Variants in SYNCRIP observed in about 807,000 individuals in gnomAD.
SYNCRIP encodes the protein synaptotagmin binding cytoplasmic RNA interacting protein.
SYNCRIP carries 9 observed loss-of-function variants against 68.9 expected under a neutral mutation model. The ratio of observed to expected loss-of-function variants is 0.13; its 90% CI spans 0.08 to 0.23. The LOEUF is 0.23. SYNCRIP is among the 10% of genes least tolerant of loss of function. SYNCRIP has a pLI of 1.00. For synonymous variants in SYNCRIP, 258 were observed against 254.0 expected (o/e 1.02, Z -0.15); for missense variants, 414 against 770.6 (o/e 0.54, Z 5.48).
At position 85,614,798 on chromosome 6, in the gene SYNCRIP, G is replaced by T. The variant is rs764223196; in HGVS notation, c.1830C>A (p.Asn610Lys). 5 of 1,610,978 alleles carry T rather than the reference G, an allele frequency of 3.1e-6. No individual in the cohort carries two copies. The highest frequency in any genetic ancestry group is 1.7e-6 in the Non-Finnish European group (2 of 1,179,096). ...CAAAAGTATCCTGATAAAACTCCTG[G>T]TTTTCAGATTTGTAACCATAGTTAC... is the stretch of plus-strand genomic sequence containing the variant. ...HSGNYGYKSE[N>K]QEFYQDTFGQ... The change falls in exon 11 of 11, where the codon AAC becomes AAA. Residue 610 changes from asparagine (N) to lysine (K), a missense_variant. Asn to Lys is a moderately conservative substitution (Grantham distance 94, BLOSUM62 0). Transcript: ENST00000369622.
At position 85,629,755 on chromosome 6, in the gene SYNCRIP, G is replaced by A. The variant is rs181817501; in HGVS notation, c.667-5643C>T. ...AAGAATCGCTTGAACCTGGGAGGCG[G>A]AGGCTGCAGTGAGCCGAGATCATGC... On this transcript the variant is annotated intron_variant, in intron 6 of 10. Coordinates refer to ENST00000369622, the MANE Select transcript of SYNCRIP (RefSeq NM_006372.5). Among the ~76,000 whole-genome samples the A allele has an allele frequency of 2.8e-3, 421 of 152,160 alleles. 1 individual carries two copies. The highest frequency in any genetic ancestry group is 4.5e-3 in the Non-Finnish European group (305 of 68,006).
intron 7 of SYNCRIP, among the ~76,000 whole-genome samples, chr6:85,623,338 C>T (rs1435185298): frequency 1.3e-5 from 2 of 151,864 alleles, no homozygotes; most frequent in East Asian, 1.9e-4. Flanking sequence ...CCGAGGCAAG[C>T]AGATCACTTG....
intron 6 of SYNCRIP, among the ~76,000 whole-genome samples, chr6:85,624,795 A>G (rs1026317633): frequency 3.3e-5 from 5 of 152,238 alleles, no homozygotes; most frequent in Non-Finnish European, 7.3e-5. Flanking sequence ...AAATCCACCA[A>G]TTAGTATTAT....
intron 6 of SYNCRIP, among the ~76,000 whole-genome samples, chr6:85,632,363 ACTT>A (rs1807897739): frequency 6.6e-6 from 1 of 152,222 alleles, no homozygotes; most frequent in Admixed American, 6.5e-5. Flanking sequence ...CTAGAATGAC[ACTT>A]CAATTAAAAA....
chr6:85,610,672 A>T (rs1055341920), downstream of SYNCRIP: 3 of 152,054 alleles, frequency 2.0e-5, no homozygotes, highest in East Asian at 3.8e-4. Context: ...CTATGACAGT[A>T]AAGTGCCAAT....
chr6:85,634,554 G>A (rs929144010), intron 6 of SYNCRIP, among the ~76,000 whole-genome samples: 4 of 151,472 alleles, frequency 2.6e-5, no homozygotes, highest in South Asian at 2.1e-4. Flanking sequence ...CATAACCTAC[G>A]AACATTCTCT....
intron 6 of SYNCRIP, among the ~76,000 whole-genome samples, chr6:85,635,721 G>GAT: frequency 7.8e-6 from 1 of 128,918 alleles, no homozygotes; most frequent in East Asian, 2.5e-4. Flanking sequence ...AGTGAGCCAA[G>GAT]ATCGCACCAT....
rs144426046 is a variant in SYNCRIP, at chr6:85,633,528, T to C, written c.666+3439A>G. On this transcript the variant is annotated intron_variant, in intron 6 of 10. Transcript: ENST00000369622. The stretch of plus-strand genomic sequence containing the variant: ...ATCACTTGAACCCAGAAGGCAGAGG[T>C]TGCAGTGAGTTGAGATCACACCACT... Among the ~76,000 whole-genome samples, 58 of 151,674 alleles carry C rather than the reference T, an allele frequency of 3.8e-4. 2 individuals are homozygous for C. In the East Asian group the frequency reaches 0.011, roughly 29 times the overall value.
At chr6:85,609,470 T>C (rs952480868), downstream of SYNCRIP, 8 of 151,956 alleles carry the variant, frequency 5.3e-5, no homozygotes, top group African/African-American at 1.7e-4. Context: ...GAGGAAACTT[T>C]ACATTTTAAG....
At chr6:85,628,349 C>T (rs1235845773) in intron 6 of SYNCRIP, among the ~76,000 whole-genome samples, 1 of 152,218 alleles carries the variant, frequency 6.6e-6, no homozygotes, top group African/African-American at 2.4e-5. Context: ...ATCCACCGCA[C>T]CTGGCCTAAA....
At position 85,619,215 on chromosome 6, in the gene SYNCRIP, A is replaced by C; in HGVS notation, c.1158+53T>G. ...TTGTAAAACTATTTTGAGATTCTAAAATGACTAAATTTGTTAGTCTGATTT... is the reference window on the plus strand; with the variant it reads ...TTGTAAAACTATTTTGAGATTCTAACATGACTAAATTTGTTAGTCTGATTT... On this transcript the variant is annotated intron_variant, in intron 9 of 10. Transcript: ENST00000369622. The C allele has an allele frequency of 1.9e-6, 3 of 1,592,258 alleles. No individual in the cohort carries two copies. In the South Asian group the frequency reaches 3.4e-5, roughly 18 times the overall value.
At position 85,614,758 on chromosome 6, in the gene SYNCRIP, A is replaced by AC; in HGVS notation, c.1869dup (p.Ter624ValfsTer8). ...ATTTTACAGAGGCCCTACTGTTTCT[A>AC]CTTCCACTGTTGCCCAAAAGTATCC... On this transcript the variant is annotated frameshift_variant, in exon 11 of 11. Transcript: ENST00000369622. LOFTEE classifies it high-confidence loss of function. 1 of 1,586,282 alleles carries AC rather than the reference A, an allele frequency of 6.3e-7. No homozygotes were observed. Among genetic ancestry groups the AC allele is most frequent in the Non-Finnish European group, 8.6e-7 (1 of 1,167,728 alleles).
chr6:85,618,632 A>G (rs1185818579), intron 10 of SYNCRIP, among the ~76,000 whole-genome samples, 186 bp downstream of exon 10: 1 of 152,190 alleles, frequency 6.6e-6, no homozygotes, highest in East Asian at 1.9e-4. Flanking sequence ...ATTTTCACAA[A>G]TATGGTTCAT....
chr6:85,614,977 G>A lies in SYNCRIP; in HGVS notation c.1651C>T (p.Arg551Cys), dbSNP rs752343801. The A allele has an allele frequency of 6.8e-6, 11 of 1,613,326 alleles. No homozygotes were observed. Among genetic ancestry groups the A allele is most frequent in the South Asian group, 1.1e-5 (1 of 91,020 alleles). The change falls in exon 11 of 11, where the codon CGT becomes TGT. Residue 551 changes from arginine (R) to cysteine (C), a missense_variant. Arg to Cys is a radical substitution (Grantham distance 180). Transcript: ENST00000369622. ...GAQQQRGRGV[R>C]GARGGRGGNV... Reference sequence around the variant, plus strand: ...CCACCGCGGCCACCCCTCGCACCACGTACCCCGCGGCCTCTTTGTTGTTGG... The same window carrying A: ...CCACCGCGGCCACCCCTCGCACCACATACCCCGCGGCCTCTTTGTTGTTGG...
At chr6:85,624,871 C>A (rs1389669749) in intron 6 of SYNCRIP, among the ~76,000 whole-genome samples, 3 of 152,200 alleles carry the variant, frequency 2.0e-5, no homozygotes, top group African/African-American at 7.2e-5. Context: ...TTAGTTAAAA[C>A]CACACCTCAA....
In SYNCRIP at chr6:85,619,390, C is replaced by A. The variant is rs759217871; in HGVS notation, c.1036G>T (p.Ala346Ser). 4.3e-6 allele frequency: 7 copies of A among 1,613,700 alleles called. No individual in the cohort carries two copies. The highest frequency in any genetic ancestry group is 2.7e-5 in the African/African-American group (2 of 75,026). ...AAAATCTCTTCTGTTACAGTATTGG[C>A]AAGGTTGCGTACAAACAGCACTTTT... Reference protein sequence around the residue: ...KVKVLFVRNLANTVTEEILEK... With the variant: ...KVKVLFVRNLSNTVTEEILEK... The change falls in exon 9 of 11, where the codon GCC becomes TCC. Residue 346 changes from alanine (A) to serine (S), a missense_variant. Physicochemically the swap from Ala to Ser is moderately conservative, Grantham distance 99 (BLOSUM62 1). Around this residue, in one of 6 missense-constraint regions of SYNCRIP, gnomAD observed 51 missense variants for 151.1 expected, o/e 0.34. Coordinates refer to ENST00000369622, the MANE Select transcript of SYNCRIP (RefSeq NM_006372.5).
chr6:85,619,502 C>A, intron 8 of SYNCRIP, 85 bp from the exon 9 acceptor site: 4 of 1,199,054 alleles, frequency 3.3e-6, no homozygotes, highest in South Asian at 1.5e-5. Context: ...AAAGTTAACT[C>A]AAATCACAAT....
At chr6:85,616,823 C>T (rs1355685490) in intron 10 of SYNCRIP, among the ~76,000 whole-genome samples, 2 of 152,100 alleles carry the variant, frequency 1.3e-5, no homozygotes, top group Non-Finnish European at 1.5e-5. Flanking sequence ...GATAATTTTG[C>T]CACCACCTCT....
At chr6:85,622,787 A>G in intron 7 of SYNCRIP, 100 bp from the exon 8 acceptor site, 1 of 927,136 alleles carries the variant, frequency 1.1e-6, no homozygotes, top group Non-Finnish European at 1.7e-6. Flanking sequence ...TATCAAAATG[A>G]AAAATCATCT....
Sources: gnomAD v4.1 joint callset for allele counts (sites outside exome capture counted in the v4.1 genomes callset) on GRCh38, gnomAD v4.1.1 for gene constraint, gnomAD v4.1.1 regional missense constraint, MANE v1.5 for transcripts, NCBI Gene and HGNC (gene_info 2026-07-23, HGNC 2026-07-21) for gene names.